The following HPS5 variants were observed in gnomAD, a reference collection of about 807,000 sequenced individuals.
The protein encoded by HPS5 is BLOC-2 complex member HPS5.
HPS5 carries 83 observed loss-of-function variants against 128.0 expected under a neutral mutation model. The ratio of observed to expected loss-of-function variants is 0.65; its 90% CI spans 0.54 to 0.78. HPS5 has a LOEUF of 0.78. HPS5 is among the 30% of genes least tolerant of loss of function. The pLI is 0.00. For missense variants in HPS5, 1,281 were observed against 1,326.2 expected (o/e 0.97, Z 0.53); for synonymous variants, 475 against 470.2 (o/e 1.01, Z -0.13).
intron 14 of HPS5, among the ~76,000 whole-genome samples, chr11:18,294,706 C>T (rs1203206519): frequency 6.6e-6 from 1 of 152,086 alleles, no homozygotes; most frequent in Non-Finnish European, 1.5e-5. Context: ...CATACATGTG[C>T]CTTCTTGAAA....
At chr11:18,301,683 A>G (rs1861732639) in intron 8 of HPS5, among the ~76,000 whole-genome samples, 1 of 152,094 alleles carries the variant, frequency 6.6e-6, no homozygotes, top group Non-Finnish European at 1.5e-5. Flanking sequence ...TGCGCAACAA[A>G]AAGCTGACAA....
At chr11:18,297,174 G>A (rs4593987) in intron 11 of HPS5, among the ~76,000 whole-genome samples, 190 bp from the exon 12 acceptor site, 3 of 152,174 alleles carry the variant, frequency 2.0e-5, no homozygotes, top group Non-Finnish European at 4.4e-5. Flanking sequence ...AGTGGCATCA[G>A]CTGCCATATT....
intron 16 of HPS5, among the ~76,000 whole-genome samples, chr11:18,289,753 A>G (rs1860166865): frequency 6.6e-6 from 1 of 152,238 alleles, no homozygotes; most frequent in African/African-American, 2.4e-5. Context: ...AGTATTAGAA[A>G]TATGGCATCT....
chr11:18,281,764 C>T (rs1207128668), intron 22 of HPS5, 186 bp downstream of exon 22: 1 of 707,550 alleles, frequency 1.4e-6, no homozygotes, highest in South Asian at 1.6e-5. Flanking sequence ...TTAATCTGAA[C>T]AGCATCTTGG....
At chr11:18,301,423 A>G (rs1281057060) in intron 8 of HPS5, among the ~76,000 whole-genome samples, 1 of 143,298 alleles carries the variant, frequency 7.0e-6, no homozygotes, top group Admixed American at 7.3e-5. Context: ...ACTGCACTCC[A>G]GCCTGGGTGA....
intron 12 of HPS5, chr11:18,296,419 C>T (rs1353170769): frequency 1.7e-5 from 9 of 539,838 alleles, no homozygotes; most frequent in African/African-American, 5.7e-5. Flanking sequence ...CAGGAATACT[C>T]GCACATCGAA....
intron 8 of HPS5, among the ~76,000 whole-genome samples, chr11:18,304,721 A>T (rs953855960): frequency 6.6e-6 from 1 of 152,226 alleles, no homozygotes; most frequent in African/African-American, 2.4e-5. Context: ...CTGAATTTGC[A>T]TCAGAGATCT....
intron 2 of HPS5, among the ~76,000 whole-genome samples, chr11:18,315,362 T>A (rs1863491541): frequency 6.6e-6 from 1 of 152,022 alleles, no homozygotes; most frequent in African/African-American, 2.4e-5. Context: ...ATGCCTGTAA[T>A]CCCAGCACTT....
intron 22 of HPS5, among the ~76,000 whole-genome samples, chr11:18,280,323 G>T (rs186222192): frequency 1.3e-5 from 2 of 152,266 alleles, no homozygotes; most frequent in African/African-American, 4.8e-5. Flanking sequence ...ACCACAATGA[G>T]ATATATAGTA....
chr11:18,291,544 T>C lies in HPS5; in HGVS notation c.2338A>G (p.Lys780Glu). 1 of 1,611,124 alleles carries C rather than the reference T, an allele frequency of 6.2e-7. No individual in the cohort carries two copies. Among genetic ancestry groups the C allele is most frequent in the Non-Finnish European group, 8.5e-7 (1 of 1,178,002 alleles). Reference protein sequence around the residue: ...PEILACQFLKKYFFLLNLKRA... With the variant: ...PEILACQFLKEYFFLLNLKRA... ...TTCAAGTTCAGGAGAAAAAAGTACT[T>C]CTTCAGGAACTGGCAAGCCAGAATT... The change falls in exon 16 of 23, where the codon AAG (lysine) becomes GAG (glutamate). Residue 780 changes from lysine to glutamate, a missense_variant. Coordinates refer to ENST00000349215, the MANE Select transcript of HPS5 (RefSeq NM_181507.2).
chr11:18,293,173 T>C (rs1262420683), intron 14 of HPS5, among the ~76,000 whole-genome samples, 197 bp from the exon 15 acceptor site: 1 of 151,958 alleles, frequency 6.6e-6, no homozygotes, highest in African/African-American at 2.4e-5. Context: ...ATATTTCTTT[T>C]TTCTTTTTTT....
chr11:18,294,928 G>C, intron 14 of HPS5, 92 bp downstream of exon 14: 1 of 1,377,210 alleles, frequency 7.3e-7, no homozygotes, highest in Non-Finnish European at 1.0e-6. Flanking sequence ...GAGGCCCACG[G>C]GCCACAGGCT....
chr11:18,305,382 T>C (rs1212256693), intron 8 of HPS5, 40 bp downstream of exon 8: 1 of 1,319,620 alleles, frequency 7.6e-7, no homozygotes, highest in African/African-American at 1.4e-5. Flanking sequence ...AATCTAAGTA[T>C]TCTTTTTCCC....
chr11:18,311,511 ATTTTTTTT>A, intron 3 of HPS5, 60 bp from the exon 4 acceptor site: 1 of 530,694 alleles, frequency 1.9e-6, no homozygotes, highest in South Asian at 3.4e-5. Flanking sequence ...TATTATTATT[ATTTTTTTT>A]TTTTTTTTTG....
chr11:18,311,507 T>C, intron 3 of HPS5, 56 bp from the exon 4 acceptor site: 2 of 848,476 alleles, frequency 2.4e-6, no homozygotes, highest in South Asian at 2.1e-5. Flanking sequence ...TTATTATTAT[T>C]ATTATTTTTT....
intron 6 of HPS5, among the ~76,000 whole-genome samples, chr11:18,307,776 G>A (rs1862541037): frequency 6.6e-6 from 1 of 151,352 alleles, no homozygotes; most frequent in African/African-American, 2.4e-5. Context: ...CTGTTTGTTG[G>A]GAGGGAAAAC....
intron 21 of HPS5, among the ~76,000 whole-genome samples, chr11:18,283,519 C>T (rs1228813714): frequency 6.6e-6 from 1 of 151,712 alleles, no homozygotes; most frequent in African/African-American, 2.4e-5. Context: ...TTTAAAACAA[C>T]ATATGGAAAG....
rs1862643939 is a variant in HPS5 at position 18,308,832 on chromosome 11, G to T, written c.611+114C>A. 5.0e-6 allele frequency: 5 copies of T among 993,962 alleles called. No individual in the cohort carries two copies. In the East Asian group the frequency reaches 1.2e-4, roughly 23 times the overall value. 61.6% of individuals were successfully genotyped at this position (993,962 alleles called of 1,614,324 possible). A position where few individuals can be genotyped will look rare whatever the true frequency, so the allele number is the denominator to read the frequency against. On this transcript the variant is annotated intron_variant, in intron 6 of 22. Transcript: ENST00000349215. ...CCCCATCTCAAAAAAAGAAAAAAAA[G>T]AAAAAGAAAAAAAATCTGTATAACT...
intron 1 of HPS5, among the ~76,000 whole-genome samples, chr11:18,321,234 C>T (rs1298014162): frequency 6.6e-6 from 1 of 152,114 alleles, no homozygotes; most frequent in Non-Finnish European, 1.5e-5. Context: ...CTTCTTTTTC[C>T]AGCCTTATTT....
Sources: allele counts gnomAD v4.1 joint callset (sites outside exome capture counted in the v4.1 genomes callset), GRCh38; gene constraint gnomAD v4.1.1; transcripts MANE v1.5; gene names NCBI Gene and HGNC (gene_info 2026-07-23, HGNC 2026-07-21).